Variants in GUCY2F observed in about 807,000 individuals in gnomAD.
The protein encoded by GUCY2F is retinal guanylyl cyclase 2.
Under a neutral mutation model 73.1 loss-of-function variants are expected in GUCY2F, and 61 were observed. The observed-to-expected ratio is 0.83, with a 90% CI of 0.68 to 1.03. GUCY2F has a LOEUF of 1.03. Among genes scored for constraint, GUCY2F ranks in the 50% least tolerant of loss-of-function variants. The pLI, the probability that GUCY2F is intolerant of heterozygous loss-of-function variation, is 0.00. For missense variants in GUCY2F, 912 were observed against 854.3 expected, an observed-to-expected ratio of 1.07 and a Z score of -0.84; for synonymous variants, 331 against 307.8, an observed-to-expected ratio of 1.08 and a Z score of -0.79.
intron 19 of GUCY2F, among the ~76,000 whole-genome samples, chrX:109,373,424 T>C (rs185698834): frequency 1.1e-3 from 117 of 111,290 alleles, no homozygotes; most frequent in Middle Eastern, 9.4e-3. Flanking sequence ...CTGGTGGGAG[T>C]CCTGGGTCCT....
At chrX:109,449,071 G>A (rs1222787318) in intron 5 of GUCY2F, among the ~76,000 whole-genome samples, 2 of 111,342 alleles carry the variant, frequency 1.8e-5, no homozygotes, top group Non-Finnish European at 3.8e-5. Context: ...TTGTCTTGGG[G>A]GCTCTGACAG....
intron 3 of GUCY2F, among the ~76,000 whole-genome samples, chrX:109,462,128 G>C (rs1827302665): frequency 8.9e-6 from 1 of 112,586 alleles, no homozygotes; most frequent in African/African-American, 3.2e-5. Flanking sequence ...TGGAAAGAAA[G>C]GTAGCTGTGA....
At chrX:109,417,598 C>T (rs1024481865) in intron 8 of GUCY2F, among the ~76,000 whole-genome samples, 1 of 110,953 alleles carries the variant, frequency 9.0e-6, no homozygotes, top group East Asian at 2.8e-4. Context: ...ATAGATGAGT[C>T]AAATAGAGAA....
chrX:109,399,652 A>T (rs970108053), intron 10 of GUCY2F, among the ~76,000 whole-genome samples: 3 of 111,329 alleles, frequency 2.7e-5, no homozygotes, highest in Non-Finnish European at 3.8e-5. Flanking sequence ...AATCAAAAAC[A>T]GTTAGATATT....
At chrX:109,464,668 G>C (rs911465411) in intron 3 of GUCY2F, among the ~76,000 whole-genome samples, 20 of 112,698 alleles carry the variant, frequency 1.8e-4, no homozygotes, top group African/African-American at 6.4e-4. Flanking sequence ...AGATGGAGAA[G>C]TTTGTTTAAT....
chrX:109,408,459 G>A (rs188518628), intron 9 of GUCY2F, among the ~76,000 whole-genome samples: 273 of 111,957 alleles, frequency 2.4e-3, no homozygotes, highest in Non-Finnish European at 4.5e-3. Context: ...AGACTTTGTG[G>A]GACTATTGGG....
chrX:109,424,941 A>G (rs1931449858), intron 8 of GUCY2F, among the ~76,000 whole-genome samples: 1 of 110,324 alleles, frequency 9.1e-6, no homozygotes, highest in South Asian at 3.9e-4. Context: ...TACTTTTTGT[A>G]TTTTTAGTAC....
In GUCY2F at chrX:109,465,186, C is replaced by A; in HGVS notation, c.988G>T (p.Ala330Ser). Residue 330 changes from alanine (A) to serine (S), a missense_variant, in exon 3 of 20, where the codon GCA becomes TCA. By Grantham distance (99) the Ala-to-Ser change is moderately conservative. Transcript: ENST00000218006. ...EKTFYQAFTE[A>S]AARGEIPEKL... ...TCAGGAATTTCACCTCTTGCTGCTG[C>A]CTCTGTGAAGGCTTGATAGAAGGTC... 1 of 1,210,042 alleles carries A rather than the reference C, an allele frequency of 8.3e-7. No individual in the cohort carries two copies. Among genetic ancestry groups the A allele is most frequent in the Non-Finnish European group, 1.1e-6 (1 of 894,019 alleles).
chrX:109,383,902 C>T (rs781260647), intron 16 of GUCY2F, among the ~76,000 whole-genome samples: 1 of 112,628 alleles, frequency 8.9e-6, no homozygotes, highest in African/African-American at 3.2e-5. Context: ...TGTGCCAAAT[C>T]TGCATTGCAG....
At chrX:109,404,859 T>G (rs1300882554) in intron 9 of GUCY2F, among the ~76,000 whole-genome samples, 1 of 112,438 alleles carries the variant, frequency 8.9e-6, no homozygotes, top group Non-Finnish European at 1.9e-5. Context: ...TGGGACAAAC[T>G]TGTGCATGGG....
rs1353182503 is a variant in GUCY2F, at chrX:109,453,708, C to T, written c.1184G>A (p.Arg395Lys). Reference sequence around the variant, plus strand: ...AATTCCATTTCCATTTGAATCTGTCCTCATCAACTGGTTGAATCCATGGAA... The same window carrying T: ...AATTCCATTTCCATTTGAATCTGTCTTCATCAACTGGTTGAATCCATGGAA... ...MQFHGFNQLM[R>K]TDSNGNGISE... Residue 395 changes from arginine to lysine, a missense_variant, in exon 4 of 20, where the codon AGG becomes AAG. Physicochemically the swap from Arg to Lys is conservative, Grantham distance 26. Coordinates refer to ENST00000218006, the MANE Select transcript of GUCY2F (RefSeq NM_001522.3). 1.7e-6 allele frequency: 2 copies of T among 1,203,547 alleles called. No homozygotes were observed. Among genetic ancestry groups the T allele is most frequent in the Admixed American group, 2.2e-5 (1 of 45,956 alleles).
chrX:109,470,471 G>T (rs150466107), intron 2 of GUCY2F, among the ~76,000 whole-genome samples: 1 of 111,775 alleles, frequency 8.9e-6, no homozygotes, highest in East Asian at 2.8e-4. Context: ...CACCTGGTAC[G>T]TTGAGGCACA....
intron 8 of GUCY2F, among the ~76,000 whole-genome samples, chrX:109,419,716 A>G (rs1931319650): frequency 9.0e-6 from 1 of 110,714 alleles, no homozygotes; most frequent in African/African-American, 3.3e-5. Flanking sequence ...ATGGACTGAA[A>G]GACTCAGTAT....
At position 109,404,460 on chromosome X, in the gene GUCY2F, C is replaced by T. The variant is rs1194339058; in HGVS notation, c.1993G>A (p.Glu665Lys). The change falls in exon 10 of 20, where the codon GAG (glutamate) becomes AAG (lysine). Residue 665 changes from glutamate (E) to lysine (K), a missense_variant. Physicochemically the swap from Glu to Lys is moderately conservative, Grantham distance 56. Coordinates refer to ENST00000218006, the MANE Select transcript of GUCY2F (RefSeq NM_001522.3). ...GACTTTAGCCTCCCATGAACAAACT[C>T]TCTGTGGTGTAAGTACTTCATGCCC... ...IKGMKYLHHR[E>K]FVHGRLKSRN... 1 of 1,193,422 alleles carries T rather than the reference C, an allele frequency of 8.4e-7. No homozygotes were observed. The highest frequency in any genetic ancestry group is 3.0e-5 in the East Asian group (1 of 33,659).
rs755589497 is a variant in GUCY2F, at chrX:109,423,959, T to A, written c.1791+6348A>T. Among the ~76,000 whole-genome samples the A allele has an allele frequency of 4.5e-5, 5 of 111,566 alleles. No homozygotes were observed. The South Asian group carries it at 1.9e-3, about 42-fold the overall frequency. Reference sequence around the variant, plus strand: ...AACAATCAACAAAGTTCAAAGTTGATATTTGGAAAAGATGAATAGAATTAA... The same window carrying A: ...AACAATCAACAAAGTTCAAAGTTGAAATTTGGAAAAGATGAATAGAATTAA... On this transcript the variant is annotated intron_variant, in intron 8 of 19. Coordinates refer to ENST00000218006, the MANE Select transcript of GUCY2F (RefSeq NM_001522.3).
chrX:109,376,227 T>C (rs1405441818), intron 17 of GUCY2F, 60 bp from the exon 18 acceptor site: 1 of 862,648 alleles, frequency 1.2e-6, no homozygotes, highest in African/African-American at 2.0e-5. Flanking sequence ...CAAAAGAATA[T>C]AAGCATTCAG....
intron 2 of GUCY2F, among the ~76,000 whole-genome samples, chrX:109,472,395 G>T (rs1314537415): frequency 9.0e-6 from 1 of 111,627 alleles, no homozygotes; most frequent in Non-Finnish European, 1.9e-5. Context: ...GGTTTGCTTG[G>T]GGGTCCACAG....
At chrX:109,383,868 C>T (rs1011800573) in intron 16 of GUCY2F, among the ~76,000 whole-genome samples, 5 of 112,484 alleles carry the variant, frequency 4.4e-5, no homozygotes, top group African/African-American at 1.6e-4. Flanking sequence ...CAGCCTTCTA[C>T]AAGCTTACAT....
intron 12 of GUCY2F, 72 bp from the exon 13 acceptor site, chrX:109,393,127 C>T (rs1457491298): frequency 1.0e-5 from 6 of 575,482 alleles, no homozygotes; most frequent in Middle Eastern, 4.1e-4. Context: ...AGCAGGTCCC[C>T]TTATCACAAA....
Sources: allele counts gnomAD v4.1 joint callset (sites outside exome capture counted in the v4.1 genomes callset), GRCh38; gene constraint gnomAD v4.1.1; transcripts MANE v1.5; gene names NCBI Gene and HGNC (gene_info 2026-07-23, HGNC 2026-07-21).